The following CNTN4 variants were observed in gnomAD, a reference collection of about 807,000 sequenced individuals.
The protein encoded by CNTN4 is contactin 4.
Under a neutral mutation model 122.5 loss-of-function variants are expected in CNTN4, and 77 were observed. The ratio of observed to expected loss-of-function variants is 0.63; its 90% confidence interval spans 0.52 to 0.76. The LOEUF (loss-of-function observed/expected upper bound fraction) is 0.76, where lower values mean the gene tolerates loss of function less well. Among genes scored for constraint, CNTN4 ranks in the 30% least tolerant of loss-of-function variants. The pLI, the probability that CNTN4 is intolerant of heterozygous loss-of-function variation, is 0.00. For synonymous variants in CNTN4, 512 were observed against 447.0 expected, an observed-to-expected ratio of 1.15 and a Z score of -1.83; for missense variants, 1,256 against 1,259.1, an observed-to-expected ratio of 1.00 and a Z score of 0.04.
At chr3:2,153,220 C>T (rs2035570382) in intron 2 of CNTN4, among the ~76,000 whole-genome samples, 2 of 152,098 alleles carry the variant, frequency 1.3e-5, no homozygotes, top group Non-Finnish European at 2.9e-5. Context: ...GTATTTAAAA[C>T]CTCAAGGCAA....
intron 2 of CNTN4, among the ~76,000 whole-genome samples, chr3:2,259,636 C>G (rs2040741210): frequency 6.6e-6 from 1 of 152,110 alleles, no homozygotes; most frequent in African/African-American, 2.4e-5. Flanking sequence ...AAAGGGAATC[C>G]CTTATAAAAC....
chr3:2,544,315 T>C (rs1241701699), intron 3 of CNTN4, among the ~76,000 whole-genome samples: 1 of 152,196 alleles, frequency 6.6e-6, no homozygotes, highest in Non-Finnish European at 1.5e-5. Flanking sequence ...ATTGTTCTTC[T>C]GCAATCATAA....
At chr3:2,900,468 C>G (rs2094161167) in intron 10 of CNTN4, among the ~76,000 whole-genome samples, 1 of 152,082 alleles carries the variant, frequency 6.6e-6, no homozygotes, top group Non-Finnish European at 1.5e-5. Context: ...ATCCATTTTG[C>G]ATTTAGCGAT....
chr3:2,227,164 T>A (rs1413713766), intron 2 of CNTN4, among the ~76,000 whole-genome samples: 4 of 152,018 alleles, frequency 2.6e-5, no homozygotes, highest in Non-Finnish European at 5.9e-5. Context: ...GCATGTCATA[T>A]CAAAAAAAAG....
At chr3:2,460,325 T>C (rs546023405) in intron 3 of CNTN4, among the ~76,000 whole-genome samples, 222 of 152,290 alleles carry the variant, frequency 1.5e-3, no homozygotes, top group African/African-American at 5.0e-3. Flanking sequence ...CCATTCTGAC[T>C]GTTTCCACTT....
intron 4 of CNTN4, among the ~76,000 whole-genome samples, chr3:2,662,513 C>G (rs762204582): frequency 1.1e-4 from 17 of 152,188 alleles, no homozygotes; most frequent in Non-Finnish European, 1.8e-4. Flanking sequence ...ACATTTCTTT[C>G]ACCTGTGGTC....
chr3:2,689,439 T>C (rs1029447639), intron 4 of CNTN4, among the ~76,000 whole-genome samples: 1 of 152,160 alleles, frequency 6.6e-6, no homozygotes, highest in East Asian at 1.9e-4. Flanking sequence ...TGCAAATGCC[T>C]GACTCCCACA....
At chr3:2,433,820 A>G (rs566323954) in intron 3 of CNTN4, among the ~76,000 whole-genome samples, 1 of 152,246 alleles carries the variant, frequency 6.6e-6, no homozygotes, top group East Asian at 1.9e-4. Flanking sequence ...TAAGTTTCCA[A>G]TTTCATTCTA....
Position 2,819,466 on chromosome 3 carries a change from T to C in CNTN4, c.359-20T>C. ...AGGACTTTAAAGTTTAAATGCTTTT[T>C]CCCATATTTCTCCCAACAGATCTTG... On this transcript the variant is annotated intron_variant, in intron 6 of 24. Transcript: ENST00000418658. 2 of 1,576,810 alleles carry C rather than the reference T, an allele frequency of 1.3e-6. No homozygotes were observed. Among genetic ancestry groups the C allele is most frequent in the African/African-American group, 1.3e-5 (1 of 74,294 alleles).
intron 6 of CNTN4, among the ~76,000 whole-genome samples, chr3:2,806,352 T>G (rs2092468324): frequency 6.6e-6 from 1 of 152,218 alleles, no homozygotes; most frequent in African/African-American, 2.4e-5. Flanking sequence ...CATGTTGGAT[T>G]CATCTTCACA....
intron 3 of CNTN4, among the ~76,000 whole-genome samples, chr3:2,488,146 A>G (rs566406966): frequency 1.2e-4 from 19 of 152,326 alleles, no homozygotes; most frequent in African/African-American, 4.6e-4. Flanking sequence ...CTTATCCTTC[A>G]AATACAACTA....
At chr3:2,930,338 C>T (rs773505939) in intron 13 of CNTN4, among the ~76,000 whole-genome samples, 21 of 152,150 alleles carry the variant, frequency 1.4e-4, no homozygotes, top group Admixed American at 2.6e-4. Context: ...TGACCTTCAG[C>T]GAGTTTGGAT....
chr3:3,016,920 C>T (rs964693803), intron 14 of CNTN4, among the ~76,000 whole-genome samples: 4 of 152,168 alleles, frequency 2.6e-5, no homozygotes, highest in Non-Finnish European at 5.9e-5. Flanking sequence ...GTGCTCACGC[C>T]GACTGGGGTC....
At chr3:2,465,546 G>A (rs1330345881) in intron 3 of CNTN4, among the ~76,000 whole-genome samples, 3 of 151,910 alleles carry the variant, frequency 2.0e-5, no homozygotes, top group Admixed American at 6.5e-5. Flanking sequence ...GTGTGGCAGC[G>A]TGCGCCTGTA....
rs550258858 is a variant in CNTN4, at chr3:2,575,219, TA to T, written c.55+3669del. On this transcript the variant is annotated intron_variant, in intron 4 of 24. Transcript: ENST00000418658. ...CTATTGTATAAAAATAAAAAGTAAT[TA>T]AAAAAAATAAGGCCAGGCACAGTGG... is the stretch of plus-strand genomic sequence containing the variant. Among the ~76,000 whole-genome samples the T allele has an allele frequency of 2.9e-3, 434 of 151,640 alleles. 2 individuals are homozygous for T. The highest frequency in any genetic ancestry group is 0.01 in the African/African-American group (421 of 41,312).
intron 3 of CNTN4, among the ~76,000 whole-genome samples, chr3:2,521,417 G>T (rs777800929): frequency 7.1e-6 from 1 of 141,226 alleles, no homozygotes; most frequent in South Asian, 2.2e-4. Flanking sequence ...TGGTGGAGTT[G>T]ACCAAATTGA....
intron 3 of CNTN4, among the ~76,000 whole-genome samples, chr3:2,394,210 T>C (rs1317366009): frequency 6.6e-6 from 1 of 151,794 alleles, no homozygotes; most frequent in African/African-American, 2.4e-5. Flanking sequence ...CATAATAGCA[T>C]CAATCCAGAG....
At chr3:2,123,879 A>G (rs1354730790) in intron 2 of CNTN4, among the ~76,000 whole-genome samples, 1 of 152,228 alleles carries the variant, frequency 6.6e-6, no homozygotes, top group Non-Finnish European at 1.5e-5. Context: ...ATGTGTGGCA[A>G]ATTAAAAGCA....
intron 4 of CNTN4, among the ~76,000 whole-genome samples, chr3:2,611,677 G>T (rs1330472486): frequency 6.6e-6 from 1 of 152,138 alleles, no homozygotes; most frequent in Non-Finnish European, 1.5e-5. Context: ...ACAGTGAGAA[G>T]GAACCTGCAA....
Sources: allele counts gnomAD v4.1 joint callset (sites outside exome capture counted in the v4.1 genomes callset), GRCh38; gene constraint gnomAD v4.1.1; transcripts MANE v1.5; gene names NCBI Gene and HGNC (gene_info 2026-07-23, HGNC 2026-07-21).